The following CLEC4A variants were observed in gnomAD, a reference collection of about 807,000 sequenced individuals.
CLEC4A encodes C-type lectin domain family 4 member A.
A neutral mutation model predicts 32.7 loss-of-function variants in CLEC4A; 27 were observed. The observed-to-expected ratio is 0.83, with a 90% CI of 0.61 to 1.14. CLEC4A has a LOEUF of 1.14. CLEC4A is among the 50% of genes most tolerant of loss of function. The pLI, the probability that CLEC4A is intolerant of heterozygous loss-of-function variation, is 0.00. For synonymous variants in CLEC4A, 89 were observed against 93.7 expected (o/e 0.95, Z 0.29); for missense variants, 253 against 274.6 (o/e 0.92, Z 0.55).
At chr12:8,129,835 C>A (rs570202181) in intron 3 of CLEC4A, among the ~76,000 whole-genome samples, 163 of 152,206 alleles carry the variant, frequency 1.1e-3, no homozygotes, top group Middle Eastern at 6.8e-3. Flanking sequence ...ACATAAAATT[C>A]TTTTGTTGTT....
At chr12:8,111,688 C>T in the CLEC4A span, among the ~76,000 whole-genome samples, 6 of 151,916 alleles carry the variant, frequency 3.9e-5, no homozygotes, top group Admixed American at 2.6e-4. Context: ...ATGGATGTAC[C>T]GTAATATATT....
At chr12:8,138,064 C>T (rs984411303) in intron 5 of CLEC4A, 76 bp from the exon 6 acceptor site, 79 of 1,474,706 alleles carry the variant, frequency 5.4e-5, no homozygotes, top group Middle Eastern at 4.0e-4. Context: ...ATTCATCCCT[C>T]GCTCCTCACC....
At chr12:8,134,570 C>G in intron 3 of CLEC4A, 1 of 1,613,520 alleles carries the variant, frequency 6.2e-7, no homozygotes, top group Non-Finnish European at 8.5e-7. Context: ...CGCCCTCAGG[C>G]TGAGAGGTCT....
chr12:8,131,026 A>C (rs2120599869), intron 3 of CLEC4A, among the ~76,000 whole-genome samples: 1 of 152,278 alleles, frequency 6.6e-6, no homozygotes, highest in African/African-American at 2.4e-5. Context: ...TTTGAGCAAT[A>C]CTGGTCAGGT....
At chr12:8,134,564 C>G in intron 3 of CLEC4A, 1 of 1,613,542 alleles carries the variant, frequency 6.2e-7, no homozygotes, top group Non-Finnish European at 8.5e-7. Context: ...CTGCTTCGCC[C>G]TCAGGCTGAG....
At chr12:8,117,890 A>G in the CLEC4A span, among the ~76,000 whole-genome samples, 1 of 152,190 alleles carries the variant, frequency 6.6e-6, no homozygotes, top group Non-Finnish European at 1.5e-5. Context: ...GCGTAAACCA[A>G]AAAGTGACTG....
chr12:8,126,880 A>C (rs1468668891), intron 2 of CLEC4A, among the ~76,000 whole-genome samples: 1 of 152,210 alleles, frequency 6.6e-6, no homozygotes, highest in Non-Finnish European at 1.5e-5. Context: ...ATATGGTGCT[A>C]AGTAAAGAAC....
chr12:8,113,944 A>G, the CLEC4A span, among the ~76,000 whole-genome samples: 1 of 152,140 alleles, frequency 6.6e-6, no homozygotes. Flanking sequence ...GGGTTTCCTC[A>G]TGGTGTGTTG....
chr12:8,131,119 A>G (rs1947988824), intron 3 of CLEC4A, among the ~76,000 whole-genome samples: 1 of 152,240 alleles, frequency 6.6e-6, no homozygotes, highest in Non-Finnish European at 1.5e-5. Context: ...TGGGAGGAAG[A>G]TCACAGATGT....
chr12:8,138,202 A>G lies in CLEC4A; in HGVS notation c.629A>G (p.Lys210Arg). Residue 210 changes from lysine to arginine, a missense_variant, in exon 6 of 6, where the codon AAA (lysine) becomes AGA (arginine). Physicochemically the swap from Lys to Arg is conservative, Grantham distance 26. Transcript: ENST00000229332. ...NERCVVLNFR[K>R]SPKRWGWNDV... ...CGCTGCGTTGTGCTAAATTTTCGTAAATCACCCAAAAGATGGGGCTGGAAT... is the reference window on the plus strand; with the variant it reads ...CGCTGCGTTGTGCTAAATTTTCGTAGATCACCCAAAAGATGGGGCTGGAAT... The G allele has an allele frequency of 6.2e-7, 1 of 1,614,156 alleles. No homozygotes were observed. Among genetic ancestry groups the G allele is most frequent in the Non-Finnish European group, 8.5e-7 (1 of 1,180,030 alleles).
At chr12:8,123,516 A>G, upstream of CLEC4A, 1 of 175,638 alleles carries the variant, frequency 5.7e-6, no homozygotes, top group Non-Finnish European at 1.2e-5. Context: ...TTACTGGTGA[A>G]AAACGCAGTT....
chr12:8,115,182 TG>T, the CLEC4A span, among the ~76,000 whole-genome samples: 5 of 152,196 alleles, frequency 3.3e-5, no homozygotes, highest in Non-Finnish European at 4.4e-5. Context: ...CTGGCAAATA[TG>T]TTTGAACACC....
intron 3 of CLEC4A, 28 bp downstream of exon 3, chr12:8,129,390 T>C: frequency 5.2e-6 from 7 of 1,356,526 alleles, no homozygotes; most frequent in Non-Finnish European, 7.4e-6. Context: ...TAGAATTCAG[T>C]TGCTGAATGT....
At chr12:8,114,790 A>G in the CLEC4A span, among the ~76,000 whole-genome samples, 1 of 152,174 alleles carries the variant, frequency 6.6e-6, no homozygotes, top group Non-Finnish European at 1.5e-5. Context: ...CCAAACCCTT[A>G]GCCATTACTG....
At chr12:8,136,930 C>A in intron 5 of CLEC4A, 27 bp downstream of exon 5, 1 of 1,490,278 alleles carries the variant, frequency 6.7e-7, no homozygotes, top group Non-Finnish European at 9.4e-7. Context: ...ATAAAAGAAT[C>A]TTGGGTCCTG....
upstream of CLEC4A, among the ~76,000 whole-genome samples, chr12:8,122,555 G>A (rs1947842783): frequency 6.6e-6 from 1 of 152,122 alleles, no homozygotes; most frequent in Non-Finnish European, 1.5e-5. Context: ...GCTTGGACTG[G>A]GGAGTCAGAG....
upstream of CLEC4A, chr12:8,121,842 A>T (rs1947833411): frequency 6.6e-6 from 1 of 152,462 alleles, no homozygotes; most frequent in South Asian, 2.1e-4. Flanking sequence ...TTCTATAGGG[A>T]GTCAGAGTCG....
At chr12:8,114,076 A>C in the CLEC4A span, among the ~76,000 whole-genome samples, 1 of 152,164 alleles carries the variant, frequency 6.6e-6, no homozygotes, top group African/African-American at 2.4e-5. Flanking sequence ...ATCAGGTTGC[A>C]CTTGCCCGAG....
At chr12:8,114,487 A>G in the CLEC4A span, among the ~76,000 whole-genome samples, 6 of 150,972 alleles carry the variant, frequency 4.0e-5, no homozygotes, top group South Asian at 8.4e-4. Context: ...CTCGTGATCC[A>G]CCCGCCTCAG....
Sources: allele counts gnomAD v4.1 joint callset (sites outside exome capture counted in the v4.1 genomes callset), GRCh38; gene constraint gnomAD v4.1.1; transcripts MANE v1.5; gene names NCBI Gene and HGNC (gene_info 2026-07-23, HGNC 2026-07-21).